Variants in KCNMA1 observed in about 807,000 individuals in gnomAD.
KCNMA1 encodes Calcium-activated potassium channel subunit alpha-1.
KCNMA1 carries 29 observed loss-of-function variants against 140.0 expected under a neutral mutation model. The observed-to-expected ratio is 0.21, with a 90% CI of 0.15 to 0.28. KCNMA1 has a LOEUF of 0.28. Ranked by LOEUF, KCNMA1 falls within the 10% of genes least tolerant of loss-of-function variation. The pLI is 1.00. For missense variants in KCNMA1, 880 were observed against 1,602.2 expected (o/e 0.55, Z 7.70); for synonymous variants, 612 against 611.9 (o/e 1.00, Z 0.00).
At chr10:77,053,927 T>C (rs1430300815) in intron 14 of KCNMA1, among the ~76,000 whole-genome samples, 2 of 152,090 alleles carry the variant, frequency 1.3e-5, no homozygotes, top group Admixed American at 6.6e-5. Flanking sequence ...CTTCCCCAGG[T>C]CTTACAGCAA....
At chr10:77,042,206 G>A (rs768679486) in intron 14 of KCNMA1, among the ~76,000 whole-genome samples, 31 of 151,982 alleles carry the variant, frequency 2.0e-4, no homozygotes, top group Non-Finnish European at 3.2e-4. Context: ...CAATTCTATT[G>A]CTAAATGGTA....
chr10:77,099,664 A>G (rs1316922090), intron 9 of KCNMA1, among the ~76,000 whole-genome samples: 1 of 151,908 alleles, frequency 6.6e-6, no homozygotes, highest in Non-Finnish European at 1.5e-5. Flanking sequence ...TGGTGAGCCA[A>G]GATTGCGCCA....
rs115996627 is a variant in KCNMA1, at chr10:77,611,606, C to T, written c.378+25659G>A. Among the ~76,000 whole-genome samples, 86 of 151,974 alleles carry T rather than the reference C, an allele frequency of 5.7e-4. 1 individual carries two copies. The highest frequency in any genetic ancestry group is 2.0e-3 in the African/African-American group (81 of 41,424). On this transcript the variant is annotated intron_variant, in intron 1 of 27. Transcript: ENST00000286628. ...CCCTCATACCCAGCCCGGCACATAGCGAGTTCTCCATTAAGTGTGACTTAT... is the reference window on the plus strand; with the variant it reads ...CCCTCATACCCAGCCCGGCACATAGTGAGTTCTCCATTAAGTGTGACTTAT...
intron 18 of KCNMA1, chr10:77,008,103 T>C (rs552314613): frequency 1.5e-6 from 2 of 1,345,820 alleles, no homozygotes; most frequent in East Asian, 2.5e-5. Context: ...ACTAAAACTG[T>C]ACAGAAAATT....
At chr10:77,149,541 G>A (rs2098381055) in intron 5 of KCNMA1, among the ~76,000 whole-genome samples, 1 of 152,180 alleles carries the variant, frequency 6.6e-6, no homozygotes, top group Non-Finnish European at 1.5e-5. Context: ...TGCAAGATGG[G>A]CTTAGCTCAT....
chr10:77,480,124 C>T (rs771408666), intron 1 of KCNMA1, among the ~76,000 whole-genome samples: 14 of 152,224 alleles, frequency 9.2e-5, no homozygotes, highest in Non-Finnish European at 1.9e-4. Flanking sequence ...AAATACGACG[C>T]CCATATATGT....
intron 3 of KCNMA1, among the ~76,000 whole-genome samples, chr10:77,244,441 C>T (rs1337675190): frequency 6.6e-6 from 1 of 152,194 alleles, no homozygotes; most frequent in African/African-American, 2.4e-5. Context: ...GATGCCATTG[C>T]CTACGATGCC....
intron 2 of KCNMA1, among the ~76,000 whole-genome samples, chr10:77,282,937 C>T (rs888771288): frequency 6.6e-6 from 1 of 152,198 alleles, no homozygotes; most frequent in African/African-American, 2.4e-5. Flanking sequence ...CACCAGGACC[C>T]CTGAAGCTAG....
intron 5 of KCNMA1, among the ~76,000 whole-genome samples, chr10:77,180,543 T>C (rs994004705): frequency 6.6e-6 from 1 of 152,210 alleles, no homozygotes; most frequent in African/African-American, 2.4e-5. Context: ...CAAAAGGTTA[T>C]TGTTCTATGT....
At chr10:77,298,473 C>T (rs1441388236) in intron 2 of KCNMA1, among the ~76,000 whole-genome samples, 1 of 152,186 alleles carries the variant, frequency 6.6e-6, no homozygotes, top group Non-Finnish European at 1.5e-5. Flanking sequence ...AACTCCTGAC[C>T]TCAGGTGATC....
chr10:77,449,590 CAT>C (rs1260527114), intron 1 of KCNMA1, among the ~76,000 whole-genome samples: 2 of 151,132 alleles, frequency 1.3e-5, no homozygotes, highest in Non-Finnish European at 3.0e-5. Context: ...CAATGTTTAC[CAT>C]ATGTGTTACT....
At chr10:77,324,612 C>T (rs1417598604) in intron 2 of KCNMA1, among the ~76,000 whole-genome samples, 2 of 152,140 alleles carry the variant, frequency 1.3e-5, no homozygotes, top group Non-Finnish European at 2.9e-5. Context: ...TATCACTATG[C>T]TGCCCAGACT....
At chr10:77,251,408 C>T (rs888162395) in intron 2 of KCNMA1, 152 bp from the exon 3 acceptor site, 6 of 709,802 alleles carry the variant, frequency 8.5e-6, no homozygotes, top group Admixed American at 8.1e-5. Flanking sequence ...CCCCCCATTA[C>T]TGCTTCAGGT....
chr10:77,394,428 C>T (rs893884688), intron 2 of KCNMA1, among the ~76,000 whole-genome samples: 1 of 152,162 alleles, frequency 6.6e-6, no homozygotes, highest in Admixed American at 6.5e-5. Flanking sequence ...GCCTGCAGGC[C>T]CTGATCAGGG....
intron 2 of KCNMA1, among the ~76,000 whole-genome samples, chr10:77,382,959 C>CGTGTGTGTGTGTGT (rs57049025): frequency 1.1e-3 from 82 of 76,976 alleles, no homozygotes; most frequent in Non-Finnish European, 1.7e-3. Context: ...CATATATATA[C>CGTGTGTGTGTGTGT]GTGTGTGTGT....
At chr10:77,605,101 G>A (rs181748927) in intron 1 of KCNMA1, among the ~76,000 whole-genome samples, 20 of 152,354 alleles carry the variant, frequency 1.3e-4, no homozygotes, top group East Asian at 7.7e-4. Context: ...GCCAGCTGCC[G>A]GGCTTTCCAG....
At chr10:77,296,133 G>T (rs1177389608) in intron 2 of KCNMA1, among the ~76,000 whole-genome samples, 2 of 152,134 alleles carry the variant, frequency 1.3e-5, no homozygotes, top group African/African-American at 4.8e-5. Context: ...TTAAGTTAAG[G>T]ATCTTGAAAT....
intron 1 of KCNMA1, among the ~76,000 whole-genome samples, chr10:77,434,676 G>A (rs375915916): frequency 2.6e-5 from 4 of 152,096 alleles, no homozygotes; most frequent in African/African-American, 4.8e-5. Context: ...TCCAAGTGCC[G>A]GTGTCGAGCA....
At chr10:77,351,970 T>G (rs547846901) in intron 2 of KCNMA1, among the ~76,000 whole-genome samples, 1 of 152,176 alleles carries the variant, frequency 6.6e-6, no homozygotes, top group Non-Finnish European at 1.5e-5. Context: ...CAAGTTCAGA[T>G]TGGACAGGAA....
Sources: allele counts gnomAD v4.1 joint callset (sites outside exome capture counted in the v4.1 genomes callset), GRCh38; gene constraint gnomAD v4.1.1; transcripts MANE v1.5; gene names NCBI Gene and HGNC (gene_info 2026-07-23, HGNC 2026-07-21).